CCDC142: variants seen among roughly 807,000 people sequenced by gnomAD.
The protein encoded by CCDC142 is coiled-coil domain containing 142.
Under a neutral mutation model 83.8 loss-of-function variants are expected in CCDC142, and 67 were observed. That is an observed-to-expected ratio of 0.80 (90% CI 0.66 to 0.98). CCDC142 has a LOEUF of 0.98. Ranked by LOEUF, CCDC142 falls within the 50% of genes least tolerant of loss-of-function variation. CCDC142 has a pLI of 0.00. For synonymous variants in CCDC142, 421 were observed against 421.2 expected (o/e 1.00, Z 0.01); for missense variants, 905 against 946.8 (o/e 0.96, Z 0.58).
rs1267847008 is a variant in CCDC142, at chr2:74,473,085, A to G, written c.*1461T>C. 3.7e-6 allele frequency: 1 copy of G among 267,324 alleles called. No homozygotes were observed. Among genetic ancestry groups the G allele is most frequent in the Non-Finnish European group, 7.3e-6 (1 of 136,448 alleles). 16.6% of individuals were successfully genotyped at this position (267,324 alleles called of 1,614,324 possible). ...CACAAGCCGGGATGATCCACACCAG[A>G]AGGTAAACACCATTCAGGTAACTGA... On this transcript the variant is annotated 3_prime_UTR_variant, in exon 9 of 9. Transcript: ENST00000393965.
At position 74,474,974 on chromosome 2, in the gene CCDC142, C is replaced by A; in HGVS notation, c.1938G>T (p.Leu646=). ...TGGGCAGGGGCTGCTGCAACAGACA[C>A]AGCAGGGCCCCATCCAGCTGCTGGA... ...SIFQQLDGAL[L]CLLQQPLPKS... is the part of the protein sequence containing the mutation. The change falls in exon 8 of 9, where the codon CTG becomes CTT. Residue 646 remains leucine, a synonymous_variant. Coordinates refer to ENST00000393965, the MANE Select transcript of CCDC142 (RefSeq NM_001365575.2). 6.2e-7 allele frequency: 1 copy of A among 1,612,582 alleles called. No homozygotes were observed. Among genetic ancestry groups the A allele is most frequent in the Non-Finnish European group, 8.5e-7 (1 of 1,179,178 alleles).
At chr2:74,475,477 G>T in intron 6 of CCDC142, 75 bp from the exon 7 acceptor site, 1 of 1,503,736 alleles carries the variant, frequency 6.7e-7, no homozygotes. Flanking sequence ...GGAGAAGAGG[G>T]TAGGATTTCA....
chr2:74,482,326 A>T lies in CCDC142; in HGVS notation c.512T>A (p.Ile171Asn), dbSNP rs764637590. ...TLEPLLLARP[I>N]GLAAQCLEAV... ...CTCCAGGCACTGGGCGGCTAGTCCGATGGGGCGCGCTAGCAGCAGCGGCTC... is the reference window on the plus strand; with the variant it reads ...CTCCAGGCACTGGGCGGCTAGTCCGTTGGGGCGCGCTAGCAGCAGCGGCTC... Residue 171 changes from isoleucine to asparagine, a missense_variant, in exon 1 of 9, where the codon ATC (isoleucine) becomes AAC (asparagine). By Grantham distance (149) the Ile-to-Asn change is moderately radical. This residue lies in a region of CCDC142 where 591 missense variants were observed against 571.4 expected (regional missense o/e 1.03). Coordinates refer to ENST00000393965, the MANE Select transcript of CCDC142 (RefSeq NM_001365575.2). This position sits in a 1 kb window ranked among gnomAD's most constrained non-coding sequence, Gnocchi z 5.0. 6.2e-7 allele frequency: 1 copy of T among 1,607,868 alleles called. No individual in the cohort carries two copies. Among genetic ancestry groups the T allele is most frequent in the South Asian group, 1.1e-5 (1 of 90,338 alleles).
Position 74,475,674 on chromosome 2 carries a change from G to A in CCDC142, c.1556C>T (p.Ala519Val), listed in dbSNP as rs751371514. 1 of 1,613,924 alleles carries A rather than the reference G, an allele frequency of 6.2e-7. No individual in the cohort carries two copies. Among genetic ancestry groups the A allele is most frequent in the African/African-American group, 1.3e-5 (1 of 74,886 alleles). ...SVFSQECHKQ[A>V]MQGFKLYMPR... Reference sequence around the variant, plus strand: ...CATGTAGAGCTTGAAACCTTGCATGGCTTGTTTATGACATTCTTGAGAAAA... The same window carrying A: ...CATGTAGAGCTTGAAACCTTGCATGACTTGTTTATGACATTCTTGAGAAAA... Residue 519 changes from alanine (A) to valine (V), a missense_variant, in exon 6 of 9, where the codon GCC becomes GTC. Coordinates refer to ENST00000393965, the MANE Select transcript of CCDC142 (RefSeq NM_001365575.2).
intron 5 of CCDC142, among the ~76,000 whole-genome samples, chr2:74,477,524 A>G (rs1450333966): frequency 6.6e-6 from 1 of 152,150 alleles, no homozygotes; most frequent in Admixed American, 6.6e-5. Flanking sequence ...ACCCCAGTGA[A>G]CATACCCACA....
rs1392195746 is a variant in CCDC142 at position 74,474,976 on chromosome 2, G to A, written c.1936C>T (p.Leu646=). 1 of 1,612,966 alleles carries A rather than the reference G, an allele frequency of 6.2e-7. No homozygotes were observed. The highest frequency in any genetic ancestry group is 1.1e-5 in the South Asian group (1 of 90,876). The change falls in exon 8 of 9, where the codon CTG becomes TTG. Residue 646 remains leucine, a synonymous_variant. Coordinates refer to ENST00000393965, the MANE Select transcript of CCDC142 (RefSeq NM_001365575.2). ...GGCAGGGGCTGCTGCAACAGACACA[G>A]CAGGGCCCCATCCAGCTGCTGGAAG... ...SIFQQLDGAL[L]CLLQQPLPKS...
Position 74,482,321 on chromosome 2 carries a change from G to C in CCDC142, c.517C>G (p.Leu173Val), listed in dbSNP as rs1021319683. The change falls in exon 1 of 9, where the codon CTA (leucine) becomes GTA (valine). Residue 173 changes from leucine (L) to valine (V), a missense_variant. This residue lies in a region of CCDC142 where 591 missense variants were observed against 571.4 expected (regional missense o/e 1.03). Transcript: ENST00000393965. This position sits in a 1 kb window ranked among gnomAD's most constrained non-coding sequence, Gnocchi z 5.0. ...EPLLLARPIG[L>V]AAQCLEAVIE... Reference sequence around the variant, plus strand: ...ACAGCCTCCAGGCACTGGGCGGCTAGTCCGATGGGGCGCGCTAGCAGCAGC... The same window carrying C: ...ACAGCCTCCAGGCACTGGGCGGCTACTCCGATGGGGCGCGCTAGCAGCAGC... 3 of 1,608,892 alleles carry C rather than the reference G, an allele frequency of 1.9e-6. No homozygotes were observed. Among genetic ancestry groups the C allele is most frequent in the Non-Finnish European group, 2.5e-6 (3 of 1,178,554 alleles).
chr2:74,481,216 G>A lies in CCDC142; in HGVS notation c.1258+7C>T, dbSNP rs772744722. 36 of 1,613,508 alleles carry A rather than the reference G, an allele frequency of 2.2e-5. No homozygotes were observed. The East Asian group carries it at 3.8e-4, about 17-fold the overall frequency. On this transcript the variant is annotated splice_region_variant and intron_variant, in intron 3 of 8. Coordinates refer to ENST00000393965, the MANE Select transcript of CCDC142 (RefSeq NM_001365575.2). ...TCTGTGTCCCCAGCCCCAGCCCCTC[G>A]TCTCACCTGCAGGCTGGCAGAAAAT... is the stretch of plus-strand genomic sequence containing the variant.
At chr2:74,478,059 A>AAT (rs1160188513) in intron 5 of CCDC142, among the ~76,000 whole-genome samples, 51 of 147,304 alleles carry the variant, frequency 3.5e-4, no homozygotes, top group Admixed American at 4.8e-4. Flanking sequence ...ATATAAATAA[A>AAT]ATATATATAT....
Position 74,482,178 on chromosome 2 carries a change from C to G in CCDC142, c.660G>C (p.Leu220Phe). The G allele has an allele frequency of 1.2e-6, 2 of 1,613,676 alleles. No individual in the cohort carries two copies. The highest frequency in any genetic ancestry group is 1.7e-6 in the Non-Finnish European group (2 of 1,179,934). The change falls in exon 1 of 9, where the codon TTG becomes TTC. Residue 220 changes from leucine (L) to phenylalanine (F), a missense_variant. Coordinates refer to ENST00000393965, the MANE Select transcript of CCDC142 (RefSeq NM_001365575.2). This position sits in a 1 kb window ranked among gnomAD's most constrained non-coding sequence, Gnocchi z 5.0. ...PAYHTLQRKALSHVPGAARPF... is the reference protein window; with the variant it reads ...PAYHTLQRKAFSHVPGAARPF... Reference sequence around the variant, plus strand: ...GACGTGCGGCCCCTGGGACGTGGCTCAAGGCTTTTCTCTGTAGTGTGTGGT... The same window carrying G: ...GACGTGCGGCCCCTGGGACGTGGCTGAAGGCTTTTCTCTGTAGTGTGTGGT...
intron 5 of CCDC142, among the ~76,000 whole-genome samples, chr2:74,479,638 C>T (rs1672400698): frequency 6.6e-6 from 1 of 152,186 alleles, no homozygotes; most frequent in African/African-American, 2.4e-5. Flanking sequence ...ATTGCCTAGG[C>T]TGGCTGGAAT....
At chr2:74,481,180 T>C (rs773241030) in intron 3 of CCDC142, 43 bp downstream of exon 3, 2 of 1,612,692 alleles carry the variant, frequency 1.2e-6, no homozygotes, top group Admixed American at 3.3e-5. Flanking sequence ...AAAAGAGATA[T>C]CCTCAACTGC....
chr2:74,475,204 A>G, intron 7 of CCDC142, 21 bp downstream of exon 7: 1 of 1,614,008 alleles, frequency 6.2e-7, no homozygotes, highest in East Asian at 2.2e-5. Context: ...ACCCCCTGCC[A>G]CTTCCACCTT....
chr2:74,474,940 C>T lies in CCDC142; in HGVS notation c.1972G>A (p.Val658Ile). The T allele has an allele frequency of 1.2e-6, 2 of 1,602,314 alleles. No individual in the cohort carries two copies. ...CAGCAACAGGGGGGCCTCCTGTGGA[C>T]TTGAGACTTGGGCAGGGGCTGCTGC... ...LLQQPLPKSQVHRRPPCCCAC... is the reference protein window; with the variant it reads ...LLQQPLPKSQIHRRPPCCCAC... The change falls in exon 8 of 9, where the codon GTC becomes ATC. Residue 658 changes from valine (V) to isoleucine (I), a missense_variant. Val to Ile is a conservative substitution (Grantham distance 29). Coordinates refer to ENST00000393965, the MANE Select transcript of CCDC142 (RefSeq NM_001365575.2).
rs1280925414 is a variant in CCDC142, at chr2:74,482,394, A to G, written c.444T>C (p.Pro148=). 4 of 1,572,134 alleles carry G rather than the reference A, an allele frequency of 2.5e-6. No homozygotes were observed. The highest frequency in any genetic ancestry group is 3.4e-6 in the Non-Finnish European group (4 of 1,159,458). The change falls in exon 1 of 9, where the codon CCT becomes CCC. Residue 148 remains proline, a synonymous_variant. Transcript: ENST00000393965. The surrounding 1 kb of genome is among the most constrained non-coding windows in gnomAD (Gnocchi z 5.0). ...CGATTCGCAGAACCGCCCCTTGGGAAGGGTGCAGCTGCAGGTCGCGGCACC... is the reference window on the plus strand; with the variant it reads ...CGATTCGCAGAACCGCCCCTTGGGAGGGGTGCAGCTGCAGGTCGCGGCACC... ...PQWCRDLQLH[P]SQGAVLRIGP...
intron 6 of CCDC142, 33 bp downstream of exon 6, chr2:74,475,579 A>G (rs375947248): frequency 6.3e-5 from 99 of 1,574,490 alleles, no homozygotes; most frequent in Non-Finnish European, 7.9e-5. Context: ...CCCCCTTGGA[A>G]CTCTGGAAGG....
chr2:74,481,895 G>T lies in CCDC142; in HGVS notation c.943C>A (p.Gln315Lys). ...GGTCCCAGATTTAGGTCCAGACTCT[G>T]AGCACAGGCTGCCCACAGCAGGGTC... ...YWTLLWAACAQSLDLNLGPWR... is the reference protein window; with the variant it reads ...YWTLLWAACAKSLDLNLGPWR... Residue 315 changes from glutamine (Q) to lysine (K), a missense_variant, in exon 1 of 9, where the codon CAG becomes AAG. This residue lies in a region of CCDC142 where 591 missense variants were observed against 571.4 expected (regional missense o/e 1.03). Coordinates refer to ENST00000393965, the MANE Select transcript of CCDC142 (RefSeq NM_001365575.2). 1.2e-6 allele frequency: 2 copies of T among 1,614,132 alleles called. No homozygotes were observed.
At chr2:74,477,377 C>T (rs563241293) in intron 5 of CCDC142, among the ~76,000 whole-genome samples, 6 of 152,184 alleles carry the variant, frequency 3.9e-5, no homozygotes, top group East Asian at 1.9e-4. Flanking sequence ...CTCGGCCTCC[C>T]GAAATGCTGG....
rs144617711 is a variant in CCDC142 at position 74,481,073 on chromosome 2, G to A, written c.1272C>T (p.Val424=). 4.4e-4 allele frequency: 717 copies of A among 1,612,612 alleles called. 4 individuals are homozygous for A. In the African/African-American group the frequency reaches 8.5e-3, roughly 19 times the overall value. The change falls in exon 4 of 9, where the codon GTC becomes GTT. Residue 424 remains valine (V), a synonymous_variant. Coordinates refer to ENST00000393965, the MANE Select transcript of CCDC142 (RefSeq NM_001365575.2). The part of the protein sequence containing the change: ...IFCQPADPAP[V]ALGLCTLQTT... ...TCTGAAGGGTACAGAGACCTAGGGC[G>A]ACAGGCGCAGGATCTGGGGATTTGA...
Sources: gnomAD v4.1 joint callset for allele counts (sites outside exome capture counted in the v4.1 genomes callset) on GRCh38, gnomAD v4.1.1 for gene constraint, gnomAD v4.1.1 regional missense constraint, Gnocchi (gnomAD v3.1) non-coding constraint, MANE v1.5 for transcripts, NCBI Gene and HGNC (gene_info 2026-07-23, HGNC 2026-07-21) for gene names.